Variants in ATXN1 observed in about 807,000 individuals in gnomAD.
The protein encoded by ATXN1 is ataxin 1.
ATXN1 carries 8 observed loss-of-function variants against 56.4 expected under a neutral mutation model. The observed-to-expected ratio is 0.14, with a 90% CI of 0.08 to 0.26. The LOEUF (loss-of-function observed/expected upper bound fraction) is 0.26, where lower values mean the gene tolerates loss of function less well. ATXN1 is among the 10% of genes least tolerant of loss of function. The pLI, the probability that ATXN1 is intolerant of heterozygous loss-of-function variation, is 1.00. For synonymous variants in ATXN1, 514 were observed against 494.6 expected, an observed-to-expected ratio of 1.04 and a Z score of -0.52; for missense variants, 987 against 1,106.5, an observed-to-expected ratio of 0.89 and a Z score of 1.53.
At chr6:16,592,346 G>A (rs974977546) in intron 3 of ATXN1, among the ~76,000 whole-genome samples, 1 of 152,036 alleles carries the variant, frequency 6.6e-6, no homozygotes, top group Non-Finnish European at 1.5e-5. Context: ...TTTCAAGATC[G>A]AACCTTTGAA....
chr6:16,411,397 G>A (rs1331154845), intron 6 of ATXN1, among the ~76,000 whole-genome samples: 2 of 152,070 alleles, frequency 1.3e-5, no homozygotes, highest in Non-Finnish European at 2.9e-5. Flanking sequence ...ACATTAGTAA[G>A]TATGCAAAAA....
chr6:16,339,508 C>G (rs1409837661), intron 6 of ATXN1, among the ~76,000 whole-genome samples: 1 of 152,150 alleles, frequency 6.6e-6, no homozygotes, highest in Non-Finnish European at 1.5e-5. Flanking sequence ...CTGCAAAGAC[C>G]CCAAGACCTC....
intron 7 of ATXN1, among the ~76,000 whole-genome samples, chr6:16,315,697 C>T (rs564736880): frequency 1.1e-4 from 16 of 152,170 alleles, no homozygotes; most frequent in African/African-American, 3.6e-4. Flanking sequence ...GGGTCTTGTT[C>T]TGTTGCCCAG....
At chr6:16,607,048 A>C (rs1763022929) in intron 3 of ATXN1, among the ~76,000 whole-genome samples, 2 of 151,820 alleles carry the variant, frequency 1.3e-5, no homozygotes, top group South Asian at 4.2e-4. Flanking sequence ...CAACATGCCC[A>C]GCTAATGTTT....
chr6:16,732,007 C>G (rs1038175771), intron 2 of ATXN1, among the ~76,000 whole-genome samples: 1 of 152,080 alleles, frequency 6.6e-6, no homozygotes, highest in Admixed American at 6.6e-5. Flanking sequence ...GCTTTTAAAC[C>G]GGCAACACTC....
At chr6:16,646,271 A>G (rs1430823656) in intron 3 of ATXN1, among the ~76,000 whole-genome samples, 1 of 152,196 alleles carries the variant, frequency 6.6e-6, no homozygotes, top group South Asian at 2.1e-4. Flanking sequence ...GAAAAAGCAG[A>G]TAAGTAAATT....
At chr6:16,604,547 A>G (rs1205915450) in intron 3 of ATXN1, among the ~76,000 whole-genome samples, 1 of 151,686 alleles carries the variant, frequency 6.6e-6, no homozygotes, top group Non-Finnish European at 1.5e-5. Flanking sequence ...TGTCTCAGGA[A>G]GAAGTTGTTC....
rs549101596 is a variant in ATXN1, at chr6:16,532,598, T to C, written c.-360-9910A>G. Among the ~76,000 whole-genome samples the C allele has an allele frequency of 2.0e-5, 3 of 152,240 alleles. No individual in the cohort carries two copies. The South Asian group carries it at 6.2e-4, about 32-fold the overall frequency. On this transcript the variant is annotated intron_variant, in intron 4 of 7. Transcript: ENST00000436367. ...TTCAAAGAAAATATGCAAATGACCA[T>C]TAAGCACACGAAAAGACACTCAACA...
At chr6:16,701,247 T>A (rs1213072874) in intron 2 of ATXN1, among the ~76,000 whole-genome samples, 1 of 152,194 alleles carries the variant, frequency 6.6e-6, no homozygotes, top group Non-Finnish European at 1.5e-5. Context: ...ATGTTGAAAC[T>A]AACAACAGAC....
At chr6:16,442,712 T>C (rs1051908972) in intron 6 of ATXN1, among the ~76,000 whole-genome samples, 5 of 152,166 alleles carry the variant, frequency 3.3e-5, no homozygotes, top group Non-Finnish European at 7.4e-5. Context: ...GGAATTATTC[T>C]AAACATTTTT....
chr6:16,610,818 G>A (rs189049936), intron 3 of ATXN1, among the ~76,000 whole-genome samples: 66 of 149,740 alleles, frequency 4.4e-4, no homozygotes, highest in African/African-American at 1.6e-3. Flanking sequence ...GAGGCCAAGA[G>A]TTTAAAACCA....
intron 3 of ATXN1, among the ~76,000 whole-genome samples, chr6:16,618,593 G>A (rs1400083358): frequency 6.6e-6 from 1 of 152,080 alleles, no homozygotes; most frequent in Non-Finnish European, 1.5e-5. Flanking sequence ...TTAGCTGGAC[G>A]TGGTGGTACA....
intron 7 of ATXN1, among the ~76,000 whole-genome samples, chr6:16,307,366 G>GC (rs1164859763): frequency 6.6e-6 from 1 of 152,176 alleles, no homozygotes; most frequent in African/African-American, 2.4e-5. Flanking sequence ...TGAGTCCCCA[G>GC]CCCCTAAAAG....
rs1269439310 is a variant in ATXN1 at position 16,304,315 on chromosome 6, C to G, written c.*2014G>C. Reference sequence around the variant, plus strand: ...ACTTATAAAACTTTTTTTTAAAGCACTTTAAAGATGCATTCAAAACCCACA... The same window carrying G: ...ACTTATAAAACTTTTTTTTAAAGCAGTTTAAAGATGCATTCAAAACCCACA... On this transcript the variant is annotated 3_prime_UTR_variant, in exon 8 of 8. Transcript: ENST00000436367. 1 of 151,992 alleles carries G rather than the reference C, an allele frequency of 6.6e-6. No individual in the cohort carries two copies. The highest frequency in any genetic ancestry group is 2.4e-5 in the African/African-American group (1 of 41,232). 9.4% of individuals were successfully genotyped at this position (151,992 alleles called of 1,614,324 possible).
At chr6:16,312,788 C>A (rs1379209831) in intron 7 of ATXN1, among the ~76,000 whole-genome samples, 2 of 152,192 alleles carry the variant, frequency 1.3e-5, no homozygotes, top group Non-Finnish European at 2.9e-5. Context: ...GGTCCTCAGT[C>A]TCCTCGATAC....
At chr6:16,590,260 T>C (rs1762699752) in intron 3 of ATXN1, among the ~76,000 whole-genome samples, 1 of 152,226 alleles carries the variant, frequency 6.6e-6, no homozygotes, top group Admixed American at 6.5e-5. Flanking sequence ...TAATTTAGAA[T>C]TGCAGAAATT....
rs905318667 is a variant in ATXN1, at chr6:16,578,016, T to C, written c.-361+7764A>G. On this transcript the variant is annotated intron_variant, in intron 4 of 7. Coordinates refer to ENST00000436367, the MANE Select transcript of ATXN1 (RefSeq NM_001128164.2). ...AGATTCAAAACTAGAATTTCTGATATTGTATTTCATTTTCTCCCACTACAT... is the reference window on the plus strand; with the variant it reads ...AGATTCAAAACTAGAATTTCTGATACTGTATTTCATTTTCTCCCACTACAT... 3.3e-5 allele frequency among the ~76,000 whole-genome samples: 5 copies of C among 152,246 alleles called. No individual in the cohort carries two copies. The East Asian group carries it at 5.8e-4, about 18-fold the overall frequency.
At chr6:16,719,578 A>AT (rs1443245644) in intron 2 of ATXN1, among the ~76,000 whole-genome samples, 11 of 152,330 alleles carry the variant, frequency 7.2e-5, no homozygotes, top group Non-Finnish European at 1.5e-4. Flanking sequence ...GAATAAGAAG[A>AT]TAAAAATTAA....
chr6:16,698,796 C>T (rs1360633595), intron 2 of ATXN1, among the ~76,000 whole-genome samples: 1 of 152,144 alleles, frequency 6.6e-6, no homozygotes, highest in Non-Finnish European at 1.5e-5. Context: ...GGTCATTTAA[C>T]CGCACTAAGC....
Sources: allele counts gnomAD v4.1 joint callset (sites outside exome capture counted in the v4.1 genomes callset), GRCh38; gene constraint gnomAD v4.1.1; transcripts MANE v1.5; gene names NCBI Gene and HGNC (gene_info 2026-07-23, HGNC 2026-07-21).